Variants in GABRA3 observed in about 807,000 individuals in gnomAD.
GABRA3 encodes gamma-aminobutyric acid receptor subunit alpha-3.
In GABRA3, 10 loss-of-function variants were observed where a neutral mutation model predicts 30.1. The ratio of observed to expected loss-of-function variants is 0.33; its 90% CI spans 0.20 to 0.56. The LOEUF (loss-of-function observed/expected upper bound fraction) is 0.56. Among genes scored for constraint, GABRA3 ranks in the 20% least tolerant of loss-of-function variants. The probability of loss-of-function intolerance (pLI) is 0.89; values close to 1 mark genes in which losing one functional copy is unlikely to be tolerated. For synonymous variants in GABRA3, 151 were observed against 146.8 expected, an observed-to-expected ratio of 1.03 and a Z score of -0.21; for missense variants, 233 against 392.0, an observed-to-expected ratio of 0.59 and a Z score of 3.42.
At chrX:152,199,116 C>T (rs745953607) in intron 7 of GABRA3, among the ~76,000 whole-genome samples, 1 of 111,369 alleles carries the variant, frequency 9.0e-6, no homozygotes, top group East Asian at 2.8e-4. Context: ...CCTGTAATCC[C>T]AGCACTTTGG....
intron 1 of GABRA3, among the ~76,000 whole-genome samples, chrX:152,369,014 A>AT (rs924489488): frequency 7.3e-5 from 8 of 110,297 alleles, no homozygotes; most frequent in African/African-American, 1.6e-4. Context: ...CCTATTTTTA[A>AT]TTTTTTTTGA....
intron 9 of GABRA3, among the ~76,000 whole-genome samples, chrX:152,170,401 ACTC>A (rs1172704566): frequency 9.0e-6 from 1 of 111,220 alleles, no homozygotes; most frequent in Admixed American, 9.5e-5. Flanking sequence ...ACAGTCTTGA[ACTC>A]CTGGGCTCAA....
At chrX:152,276,463 G>GA (rs1255911528) in intron 4 of GABRA3, among the ~76,000 whole-genome samples, 1 of 111,340 alleles carries the variant, frequency 9.0e-6, no homozygotes, top group African/African-American at 3.3e-5. Flanking sequence ...GCCCTAAACT[G>GA]AAAAAAGTTA....
chrX:152,303,753 T>C (rs192356997), intron 3 of GABRA3, among the ~76,000 whole-genome samples: 4 of 108,460 alleles, frequency 3.7e-5, no homozygotes, highest in Non-Finnish European at 7.7e-5. Flanking sequence ...TAAGTGGGAG[T>C]TGAACAATGA....
intron 1 of GABRA3, among the ~76,000 whole-genome samples, chrX:152,369,184 G>A (rs1928755931): frequency 9.0e-6 from 1 of 110,615 alleles, no homozygotes; most frequent in Non-Finnish European, 1.9e-5. Context: ...TTTAAGATTA[G>A]TGATATTGAG....
At chrX:152,284,070 G>T (rs1375696620) in intron 4 of GABRA3, among the ~76,000 whole-genome samples, 2 of 111,500 alleles carry the variant, frequency 1.8e-5, no homozygotes, top group Non-Finnish European at 3.8e-5. Flanking sequence ...AATGGATAAT[G>T]GTGAGAAAAG....
intron 5 of GABRA3, among the ~76,000 whole-genome samples, chrX:152,237,473 A>T (rs997522983): frequency 2.5e-4 from 25 of 101,111 alleles, no homozygotes; most frequent in Non-Finnish European, 4.3e-4. Flanking sequence ...TGACTTGGCA[A>T]TGCGGGCTCT....
chrX:152,210,821 T>C (rs1440480559), intron 6 of GABRA3, among the ~76,000 whole-genome samples: 3 of 111,719 alleles, frequency 2.7e-5, no homozygotes, highest in African/African-American at 6.5e-5. Context: ...CTTCTACTTA[T>C]GGGATATCTA....
chrX:152,236,168 C>T (rs1311939799), intron 5 of GABRA3, among the ~76,000 whole-genome samples: 3 of 84,550 alleles, frequency 3.5e-5, no homozygotes, highest in African/African-American at 1.3e-4. Flanking sequence ...CCACAGTCCC[C>T]AGAGTGTGAT....
At chrX:152,441,935 G>T (rs1485112849) in intron 1 of GABRA3, among the ~76,000 whole-genome samples, 3 of 111,461 alleles carry the variant, frequency 2.7e-5, no homozygotes, top group African/African-American at 9.8e-5. Context: ...CTTAAAGCAT[G>T]ATACAAAAAG....
chrX:152,327,000 T>C (rs1940072369), intron 3 of GABRA3, among the ~76,000 whole-genome samples: 1 of 104,659 alleles, frequency 9.6e-6, no homozygotes, highest in African/African-American at 3.5e-5. Context: ...AATAAAGGGA[T>C]GGAGAAAGAC....
chrX:152,351,031 G>A (rs925237168), intron 2 of GABRA3, among the ~76,000 whole-genome samples: 2 of 111,909 alleles, frequency 1.8e-5, no homozygotes, highest in Non-Finnish European at 3.8e-5. Flanking sequence ...GGTAAACCGT[G>A]CTATAAACAG....
intron 4 of GABRA3, among the ~76,000 whole-genome samples, chrX:152,280,735 A>T (rs1037572193): frequency 9.0e-6 from 1 of 110,582 alleles, no homozygotes; most frequent in Non-Finnish European, 1.9e-5. Context: ...CTGATTGTCC[A>T]CTGTATATCC....
chrX:152,188,303 AAAG>A (rs1389817784), intron 9 of GABRA3, among the ~76,000 whole-genome samples: 5 of 111,956 alleles, frequency 4.5e-5, no homozygotes, highest in Non-Finnish European at 9.4e-5. Context: ...GATTTTAAGA[AAAG>A]AACCCATTTA....
chrX:152,361,827 ATT>A (rs1928516497), intron 2 of GABRA3, among the ~76,000 whole-genome samples: 1 of 111,516 alleles, frequency 9.0e-6, no homozygotes, highest in African/African-American at 3.3e-5. Flanking sequence ...AAATGGGACT[ATT>A]CTGTTTAAAA....
At chrX:152,260,001 G>A (rs2124417261) in intron 4 of GABRA3, among the ~76,000 whole-genome samples, 1 of 110,744 alleles carries the variant, frequency 9.0e-6, no homozygotes, top group Non-Finnish European at 1.9e-5. Flanking sequence ...GGCCAGACTG[G>A]AGGAGACTGC....
At position 152,410,025 on chromosome X, in the gene GABRA3, G is replaced by A. The variant is rs113270795; in HGVS notation, c.-27+41121C>T. 2.8e-3 allele frequency among the ~76,000 whole-genome samples: 317 copies of A among 112,272 alleles called. 2 individuals carry two copies. Among genetic ancestry groups the A allele is most frequent in the African/African-American group, 9.9e-3 (307 of 30,969 alleles). ...ACATATATACAATGAAATATTATTTGTCATAAAAAAGAATGAAATCCTGCC... is the reference window on the plus strand; with the variant it reads ...ACATATATACAATGAAATATTATTTATCATAAAAAAGAATGAAATCCTGCC... On this transcript the variant is annotated intron_variant, in intron 1 of 9. Coordinates refer to ENST00000370314, the MANE Select transcript of GABRA3 (RefSeq NM_000808.4).
chrX:152,330,520 T>TA (rs1281163030), intron 3 of GABRA3, among the ~76,000 whole-genome samples: 24 of 111,802 alleles, frequency 2.1e-4, no homozygotes, highest in African/African-American at 7.5e-4. Context: ...TATGCAGCCA[T>TA]AAAAAACGAT....
chrX:152,258,692 T>C (rs1938678363), intron 4 of GABRA3, among the ~76,000 whole-genome samples: 1 of 111,701 alleles, frequency 9.0e-6, no homozygotes. Flanking sequence ...ACTACCTACA[T>C]AGATATGACC....
Sources: allele counts gnomAD v4.1 joint callset (sites outside exome capture counted in the v4.1 genomes callset), GRCh38; gene constraint gnomAD v4.1.1; transcripts MANE v1.5; gene names NCBI Gene and HGNC (gene_info 2026-07-23, HGNC 2026-07-21).